The following PC variants were observed in gnomAD, a reference collection of about 807,000 sequenced individuals.
PC encodes the protein pyruvate carboxylase.
PC carries 46 observed loss-of-function variants against 107.8 expected under a neutral mutation model. The ratio of observed to expected loss-of-function variants is 0.43; its 90% CI spans 0.34 to 0.55. The LOEUF (loss-of-function observed/expected upper bound fraction) is 0.55, where lower values mean the gene tolerates loss of function less well. Ranked by LOEUF, PC falls within the 20% of genes least tolerant of loss-of-function variation. The probability of loss-of-function intolerance (pLI) is 0.04; values close to 1 mark genes in which losing one functional copy is unlikely to be tolerated. For missense variants in PC, 1,241 were observed against 1,643.1 expected, an observed-to-expected ratio of 0.76 and a Z score of 4.23; for synonymous variants, 662 against 684.7, an observed-to-expected ratio of 0.97 and a Z score of 0.52.
chr11:66,923,236 A>T (rs1352203821), intron 3 of PC, among the ~76,000 whole-genome samples: 1 of 151,850 alleles, frequency 6.6e-6, no homozygotes. Flanking sequence ...GTGGCATGCA[A>T]CTGTAGTCCC....
At chr11:66,915,140 C>CAGGGAGGG (rs1039863920) in intron 3 of PC, among the ~76,000 whole-genome samples, 2 of 150,674 alleles carry the variant, frequency 1.3e-5, no homozygotes, top group African/African-American at 2.4e-5. Flanking sequence ...AGACTCCAGC[C>CAGGGAGGG]AGGGAGGGAG....
chr11:66,956,214 C>A (rs963981496), intron 1 of PC, among the ~76,000 whole-genome samples: 4 of 152,198 alleles, frequency 2.6e-5, no homozygotes. Context: ...GTTTCTTACA[C>A]CCAACAGTGA....
intron 3 of PC, among the ~76,000 whole-genome samples, chr11:66,922,608 T>C (rs1471232755): frequency 7.2e-6 from 1 of 137,952 alleles, no homozygotes; most frequent in Non-Finnish European, 1.5e-5. Context: ...CTTCCAGAGG[T>C]GCATCCACAA....
intron 9 of PC, among the ~76,000 whole-genome samples, chr11:66,869,841 G>A (rs1478303093): frequency 1.3e-5 from 2 of 152,236 alleles, no homozygotes; most frequent in Non-Finnish European, 2.9e-5. Context: ...AGAGGTCCCA[G>A]AAAAGCAGAG....
rs141324828 is a variant in PC at position 66,863,876 on chromosome 11, G to A, written c.1266C>T (p.Tyr422=). The part of the protein sequence containing the change: ...AFQGAVISPH[Y]DSLLVKVIAH... The stretch of plus-strand genomic sequence containing the variant: ...CAATGACTTTGACCAGCAGGGAGTC[G>A]TAGTGGGGCGAGATGACGGCTCCTT... The change falls in exon 12 of 23, where the codon TAC becomes TAT. Residue 422 remains tyrosine, a synonymous_variant. Coordinates refer to ENST00000393960, the MANE Select transcript of PC (RefSeq NM_001040716.2). 8.8e-5 allele frequency: 142 copies of A among 1,614,098 alleles called. No homozygotes were observed. The highest frequency in any genetic ancestry group is 4.8e-4 in the African/African-American group (36 of 75,076).
At chr11:66,889,495 C>T (rs182990749) in intron 3 of PC, among the ~76,000 whole-genome samples, 183 of 152,056 alleles carry the variant, frequency 1.2e-3, no homozygotes, top group African/African-American at 3.8e-3. Flanking sequence ...CTCAGCCTCC[C>T]GAGTAGCTGG....
At chr11:66,905,404 G>C (rs1948130553) in intron 3 of PC, among the ~76,000 whole-genome samples, 1 of 152,188 alleles carries the variant, frequency 6.6e-6, no homozygotes. Flanking sequence ...AGCTGACTCT[G>C]TTCAGGGTCA....
rs1945904699 is a variant in PC, at chr11:66,857,145, G to A, written c.1369-3762C>T. On this transcript the variant is annotated intron_variant, in intron 12 of 22. Transcript: ENST00000393960. This position sits in a 1 kb window ranked among gnomAD's most constrained non-coding sequence, Gnocchi z 7.1. Reference sequence around the variant, plus strand: ...GGTGCCGGGAACCGAGCGAGCCGGGGCCGCGGGCCCGAGCGCCATGGGCCC... The same window carrying A: ...GGTGCCGGGAACCGAGCGAGCCGGGACCGCGGGCCCGAGCGCCATGGGCCC... 2 of 148,448 alleles carry A rather than the reference G, an allele frequency of 1.3e-5. No individual in the cohort carries two copies. The highest frequency in any genetic ancestry group is 4.9e-5 in the African/African-American group (2 of 41,046). 9.2% of individuals were successfully genotyped at this position (148,448 alleles called of 1,614,324 possible).
chr11:66,925,246 A>T (rs1948688462), intron 3 of PC, among the ~76,000 whole-genome samples: 2 of 152,198 alleles, frequency 1.3e-5, no homozygotes, highest in Admixed American at 6.5e-5. Context: ...GGTCTGATCA[A>T]AATTTATTAG....
chr11:66,956,475 C>T (rs907148130), intron 1 of PC, among the ~76,000 whole-genome samples: 7 of 152,146 alleles, frequency 4.6e-5, no homozygotes, highest in African/African-American at 1.7e-4. Flanking sequence ...ATCCCAGCTA[C>T]TCAGGATGCT....
At chr11:66,933,519 G>A (rs1057409397) in intron 3 of PC, among the ~76,000 whole-genome samples, 3 of 151,938 alleles carry the variant, frequency 2.0e-5, no homozygotes, top group Admixed American at 6.6e-5. Flanking sequence ...ACTTTTCCCC[G>A]ACCTCAGGTC....
chr11:66,940,807 G>A, intron 3 of PC, among the ~76,000 whole-genome samples: 1 of 151,952 alleles, frequency 6.6e-6, no homozygotes, highest in Non-Finnish European at 1.5e-5. Flanking sequence ...GATGCTCAAG[G>A]CCAGGCACAG....
chr11:66,866,632 C>G lies in PC; in HGVS notation c.1023-283G>C, dbSNP rs938610562. Among the ~76,000 whole-genome samples, 3 of 152,174 alleles carry G rather than the reference C, an allele frequency of 2.0e-5. No homozygotes were observed. The highest frequency in any genetic ancestry group is 4.4e-5 in the Non-Finnish European group (3 of 68,018). ...GCTCCTGCATTCCTGACTCACGGTGCCGTCCACACAGCCCTAAGCTGCTCC... is the reference window on the plus strand; with the variant it reads ...GCTCCTGCATTCCTGACTCACGGTGGCGTCCACACAGCCCTAAGCTGCTCC... On this transcript the variant is annotated intron_variant, in intron 10 of 22. Coordinates refer to ENST00000393960, the MANE Select transcript of PC (RefSeq NM_001040716.2). The surrounding 1 kb of genome is among the most constrained non-coding windows in gnomAD (Gnocchi z 5.4).
Position 66,871,575 on chromosome 11 carries a change from G to A in PC, c.322-95C>T, listed in dbSNP as rs990587037. 17 of 1,587,954 alleles carry A rather than the reference G, an allele frequency of 1.1e-5. No homozygotes were observed. The African/African-American group carries it at 1.2e-4, about 11-fold the overall frequency. On this transcript the variant is annotated intron_variant, in intron 5 of 22. Coordinates refer to ENST00000393960, the MANE Select transcript of PC (RefSeq NM_001040716.2). The surrounding 1 kb of genome is among the most constrained non-coding windows in gnomAD (Gnocchi z 7.4). ...CTGCCTAACCTGCTGAGCTGCATCC[G>A]TTTACCCACCCACGCACAGAGGCGC...
intron 3 of PC, among the ~76,000 whole-genome samples, chr11:66,890,394 ATTTTTTTTTTTTTTTT>A (rs148706185): frequency 8.1e-6 from 1 of 123,456 alleles, no homozygotes; most frequent in Non-Finnish European, 1.7e-5. Context: ...ATTGTTTCCC[ATTTTTTTTTTTTTTTT>A]TGAGATGGAG....
chr11:66,874,613 C>A (rs1328124083), intron 3 of PC, among the ~76,000 whole-genome samples: 1 of 151,844 alleles, frequency 6.6e-6, no homozygotes, highest in Non-Finnish European at 1.5e-5. Context: ...GAGGAAAGAC[C>A]CACAGCCAGG....
Position 66,866,291 on chromosome 11 carries a change from C to T in PC, c.1081G>A (p.Gly361Ser). The change falls in exon 11 of 23, where the codon GGC (glycine) becomes AGC (serine). Residue 361 changes from glycine to serine, a missense_variant. Physicochemically the swap from Gly to Ser is moderately conservative, Grantham distance 56. Transcript: ENST00000393960. The surrounding 1 kb of genome is among the most constrained non-coding windows in gnomAD (Gnocchi z 5.4). ...VAEGRSLPDL[G>S]LRQENIRING... ...ATGCGGATGTTCTCCTGCCGCAGGCCCAGGTCGGGTAGGCTCCTGCCCTCA... is the reference window on the plus strand; with the variant it reads ...ATGCGGATGTTCTCCTGCCGCAGGCTCAGGTCGGGTAGGCTCCTGCCCTCA... 1 of 1,613,280 alleles carries T rather than the reference C, an allele frequency of 6.2e-7. No individual in the cohort carries two copies. The highest frequency in any genetic ancestry group is 8.5e-7 in the Non-Finnish European group (1 of 1,179,896).
intron 12 of PC, chr11:66,860,516 G>A (rs1565230359): frequency 5.7e-6 from 4 of 702,374 alleles, no homozygotes; most frequent in Admixed American, 2.0e-5. Flanking sequence ...CCCCCGAGAC[G>A]GGAGGACAGG....
chr11:66,874,785 G>C (rs998293857), intron 3 of PC, among the ~76,000 whole-genome samples: 1 of 152,176 alleles, frequency 6.6e-6, no homozygotes, highest in Non-Finnish European at 1.5e-5. Context: ...GAACATTTCA[G>C]ATCACAAGTG....
Sources: gnomAD v4.1 joint callset for allele counts (sites outside exome capture counted in the v4.1 genomes callset) on GRCh38, gnomAD v4.1.1 for gene constraint, Gnocchi (gnomAD v3.1) non-coding constraint, MANE v1.5 for transcripts, NCBI Gene and HGNC (gene_info 2026-07-23, HGNC 2026-07-21) for gene names.